RASSF4: variants seen among roughly 807,000 people sequenced by gnomAD.
RASSF4 encodes the protein ras association domain-containing protein 4.
Under a neutral mutation model 41.1 loss-of-function variants are expected in RASSF4, and 38 were observed. That is an observed-to-expected ratio of 0.92 (90% CI 0.71 to 1.21). The LOEUF is 1.21. Among genes scored for constraint, RASSF4 ranks in the 50% most tolerant of loss-of-function variants. RASSF4 has a pLI of 0.00. For missense variants in RASSF4, 414 were observed against 419.4 expected (o/e 0.99, Z 0.11); for synonymous variants, 179 against 163.4 (o/e 1.10, Z -0.73).
intron 3 of RASSF4, among the ~76,000 whole-genome samples, chr10:44,974,487 T>C (rs1763666389): frequency 6.6e-6 from 1 of 152,030 alleles, no homozygotes; most frequent in African/African-American, 2.4e-5. Flanking sequence ...GCTTTGGAGG[T>C]CTCCACCCAG....
chr10:44,992,344 G>T (rs1842147063), intron 10 of RASSF4, among the ~76,000 whole-genome samples: 1 of 152,258 alleles, frequency 6.6e-6, no homozygotes, highest in Non-Finnish European at 1.5e-5. Flanking sequence ...TTCTGCTGGT[G>T]ATGTGGCTCC....
intron 9 of RASSF4, 96 bp from the exon 10 acceptor site, chr10:44,991,809 G>A: frequency 1.3e-6 from 1 of 778,290 alleles, no homozygotes; most frequent in Non-Finnish European, 2.2e-6. Context: ...GATACAAGAT[G>A]TTGGCTGGAT....
At chr10:44,990,254 C>T (rs1842060925) in intron 8 of RASSF4, among the ~76,000 whole-genome samples, 2 of 152,226 alleles carry the variant, frequency 1.3e-5, no homozygotes, top group African/African-American at 4.8e-5. Flanking sequence ...AAATTATCTT[C>T]TCTTTCTACC....
At chr10:44,977,660 C>T (rs747007077) in intron 3 of RASSF4, 2 of 1,612,936 alleles carry the variant, frequency 1.2e-6, no homozygotes, top group East Asian at 2.2e-5. Context: ...GCCAGTCCTC[C>T]TTGGCAGGTC....
chr10:44,979,088 C>T (rs1841590258), intron 3 of RASSF4, among the ~76,000 whole-genome samples: 1 of 152,176 alleles, frequency 6.6e-6, no homozygotes, highest in Non-Finnish European at 1.5e-5. Flanking sequence ...CCCAGGGCCA[C>T]CCCTGCCCCA....
chr10:44,973,419 A>G (rs1012024538), intron 3 of RASSF4, among the ~76,000 whole-genome samples: 21 of 152,114 alleles, frequency 1.4e-4, no homozygotes, highest in African/African-American at 5.1e-4. Context: ...ACGCCACTTC[A>G]TATCTTCTGG....
intron 3 of RASSF4, chr10:44,977,869 C>T (rs3740094): frequency 0.16 from 250,282 of 1,611,208 alleles, 21,029 homozygotes; most frequent in East Asian, 0.32. Context: ...TGGCCTTGTC[C>T]AGCACAGAGG....
intron 8 of RASSF4, chr10:44,990,486 G>GCTC: frequency 6.5e-6 from 1 of 154,722 alleles, no homozygotes; most frequent in Non-Finnish European, 1.4e-5. Context: ...CTGGGGAGGC[G>GCTC]AAGGGTGGGA....
At chr10:44,974,560 G>A (rs1487308747) in intron 3 of RASSF4, among the ~76,000 whole-genome samples, 2 of 152,218 alleles carry the variant, frequency 1.3e-5, no homozygotes, top group Non-Finnish European at 2.9e-5. Flanking sequence ...CCAAGCTAAG[G>A]GGCTCTCAGG....
rs1841180604 is a variant in RASSF4 at position 44,971,787 on chromosome 10, GC to G, written c.79del (p.Leu27CysfsTer2). 2 of 1,613,840 alleles carry G rather than the reference GC, an allele frequency of 1.2e-6. No individual in the cohort carries two copies. The highest frequency in any genetic ancestry group is 1.7e-6 in the Non-Finnish European group (2 of 1,179,870). On this transcript the variant is annotated frameshift_variant, in exon 3 of 11. Coordinates refer to ENST00000340258, the MANE Select transcript of RASSF4 (RefSeq NM_032023.4). LOFTEE classifies it high-confidence loss of function. ...SKSIQKSELL[G>X]LLKTYNCYHE... ...TCCCTTTTTAGGTCGGAGCTCTTAG[GC>G]CTGCTGAAAACCTACAACTGCTACC...
intron 3 of RASSF4, chr10:44,978,015 G>A: frequency 6.2e-7 from 1 of 1,610,576 alleles, no homozygotes; most frequent in South Asian, 1.1e-5. Flanking sequence ...ACGGAGAGCA[G>A]AAGCCGGGAC....
At chr10:44,977,395 G>C in intron 3 of RASSF4, 1 of 1,574,484 alleles carries the variant, frequency 6.4e-7, no homozygotes, top group Non-Finnish European at 8.6e-7. Context: ...GGAGGGGTCA[G>C]AGTTCATGGA....
intron 10 of RASSF4, among the ~76,000 whole-genome samples, chr10:44,992,529 G>A (rs1265411302): frequency 6.6e-6 from 1 of 152,224 alleles, no homozygotes; most frequent in Non-Finnish European, 1.5e-5. Context: ...CAGCTCCTGG[G>A]GACACCACGC....
chr10:44,982,427 C>T lies in RASSF4; in HGVS notation c.139-94C>T, dbSNP rs183705809. 3.6e-4 allele frequency: 537 copies of T among 1,491,164 alleles called. 3 individuals are homozygous for T. In the African/African-American group the frequency reaches 6.3e-3, roughly 17 times the overall value. 92.4% of individuals were successfully genotyped at this position (1,491,164 alleles called of 1,614,324 possible). A position where few individuals can be genotyped will look rare whatever the true frequency, so the allele number is the denominator to read the frequency against. ...GGGGCCACTCAGGAGGAGGGATGTGCAAGGCCTGAGTGTTCAGAGCATCCC... is the reference window on the plus strand; with the variant it reads ...GGGGCCACTCAGGAGGAGGGATGTGTAAGGCCTGAGTGTTCAGAGCATCCC... On this transcript the variant is annotated intron_variant, in intron 3 of 10. Coordinates refer to ENST00000340258, the MANE Select transcript of RASSF4 (RefSeq NM_032023.4).
intron 4 of RASSF4, 76 bp downstream of exon 4, chr10:44,982,739 G>A (rs1472453320): frequency 5.3e-6 from 8 of 1,499,544 alleles, no homozygotes; most frequent in African/African-American, 1.4e-5. Flanking sequence ...CCTCAGGGTG[G>A]GAGCCCTGTT....
At chr10:44,991,550 T>C (rs1205845860) in intron 9 of RASSF4, among the ~76,000 whole-genome samples, 1 of 152,236 alleles carries the variant, frequency 6.6e-6, no homozygotes, top group African/African-American at 2.4e-5. Context: ...AGTGACCCCG[T>C]ATCCCTCAGG....
At chr10:44,979,741 G>A (rs1273659166) in intron 3 of RASSF4, among the ~76,000 whole-genome samples, 53 of 152,138 alleles carry the variant, frequency 3.5e-4, no homozygotes, top group Admixed American at 3.3e-3. Context: ...GTAGGAGGGG[G>A]TCAGTGGACC....
intron 1 of RASSF4, among the ~76,000 whole-genome samples, chr10:44,963,247 G>A (rs12780775): frequency 0.097 from 14,766 of 152,172 alleles, 1,001 homozygotes; most frequent in African/African-American, 0.19. Context: ...GATTGGAACT[G>A]GGCAGCAGGA....
intron 6 of RASSF4, among the ~76,000 whole-genome samples, chr10:44,988,851 A>G (rs1471052157): frequency 6.6e-6 from 1 of 152,168 alleles, no homozygotes; most frequent in Non-Finnish European, 1.5e-5. Flanking sequence ...GGAAGCTGAT[A>G]TGGTGTGATC....
Sources: allele counts gnomAD v4.1 joint callset (sites outside exome capture counted in the v4.1 genomes callset), GRCh38; gene constraint gnomAD v4.1.1; transcripts MANE v1.5; gene names NCBI Gene and HGNC (gene_info 2026-07-23, HGNC 2026-07-21).